Variants in ELP4 observed in about 807,000 individuals in gnomAD.
ELP4 encodes the protein elongator complex protein 4.
In ELP4, 51 loss-of-function variants were observed where a neutral mutation model predicts 48.9. That is an observed-to-expected ratio of 1.04 (90% CI 0.83 to 1.32). ELP4 has a LOEUF of 1.32. Among genes scored for constraint, ELP4 ranks in the 40% most tolerant of loss-of-function variants. ELP4 has a pLI of 0.00. For synonymous variants in ELP4, 210 were observed against 189.2 expected, an observed-to-expected ratio of 1.11 and a Z score of -0.90; for missense variants, 519 against 514.6, an observed-to-expected ratio of 1.01 and a Z score of -0.08.
At chr11:31,564,789 T>C (rs562945463) in intron 3 of ELP4, among the ~76,000 whole-genome samples, 2 of 152,328 alleles carry the variant, frequency 1.3e-5, no homozygotes, top group East Asian at 1.9e-4. Context: ...TGGTGGACAT[T>C]TGGGTTGGTT....
chr11:31,604,484 G>T (rs1479382294), intron 5 of ELP4, among the ~76,000 whole-genome samples: 3 of 151,766 alleles, frequency 2.0e-5, no homozygotes, highest in African/African-American at 7.2e-5. Flanking sequence ...TGTTTATACT[G>T]CCAGTACATT....
intron 9 of ELP4, chr11:31,779,570 C>G (rs1948325318): frequency 6.6e-6 from 1 of 152,318 alleles, no homozygotes; most frequent in Non-Finnish European, 1.5e-5. Flanking sequence ...CTCGGTACCT[C>G]TTGGAGCCTC....
chr11:31,611,320 A>G (rs530232097), intron 5 of ELP4, among the ~76,000 whole-genome samples: 1 of 152,318 alleles, frequency 6.6e-6, no homozygotes, highest in Admixed American at 6.5e-5. Context: ...TCTTTAGTTA[A>G]TTTAAGTAGC....
chr11:31,693,245 G>C (rs1052968879), intron 9 of ELP4, among the ~76,000 whole-genome samples: 18 of 151,962 alleles, frequency 1.2e-4, no homozygotes, highest in African/African-American at 4.1e-4. Flanking sequence ...TGCCATGTTG[G>C]TGTGCTGTAC....
At position 31,548,432 on chromosome 11, in the gene ELP4, T is replaced by C. The variant is rs1298286406; in HGVS notation, c.381+8649T>C. On this transcript the variant is annotated intron_variant, in intron 3 of 9. Coordinates refer to ENST00000640961, the MANE Select transcript of ELP4 (RefSeq NM_019040.5). ...ACCTAGGAATCCAACTTACAAGGGATGTGAAGGACCTCTTCAAGGAGAACT... is the reference window on the plus strand; with the variant it reads ...ACCTAGGAATCCAACTTACAAGGGACGTGAAGGACCTCTTCAAGGAGAACT... Among the ~76,000 whole-genome samples, 4 of 151,610 alleles carry C rather than the reference T, an allele frequency of 2.6e-5. No individual in the cohort carries two copies. The East Asian group carries it at 5.9e-4, about 23-fold the overall frequency.
intron 3 of ELP4, among the ~76,000 whole-genome samples, chr11:31,586,381 G>A (rs888713726): frequency 6.6e-6 from 1 of 152,080 alleles, no homozygotes; most frequent in Non-Finnish European, 1.5e-5. Flanking sequence ...CAGGTGTTGG[G>A]GAAGGAATAA....
chr11:31,695,919 T>C (rs1216330315), intron 9 of ELP4, among the ~76,000 whole-genome samples: 13 of 152,074 alleles, frequency 8.5e-5, no homozygotes, highest in Non-Finnish European at 1.8e-4. Flanking sequence ...TTGAGGAATT[T>C]ATCCATTTCT....
chr11:31,659,871 A>G (rs183905613), intron 9 of ELP4, among the ~76,000 whole-genome samples: 9 of 152,130 alleles, frequency 5.9e-5, no homozygotes, highest in Admixed American at 2.0e-4. Context: ...AGGCACCTGT[A>G]ATCCAAGCTA....
intron 9 of ELP4, among the ~76,000 whole-genome samples, chr11:31,729,345 A>G (rs1195905150): frequency 2.0e-5 from 3 of 152,212 alleles, no homozygotes; most frequent in Non-Finnish European, 4.4e-5. Context: ...CAATAAAAAT[A>G]TGTATTGGCC....
intron 9 of ELP4, among the ~76,000 whole-genome samples, chr11:31,730,965 C>T (rs1947172792): frequency 6.6e-6 from 1 of 151,124 alleles, no homozygotes; most frequent in Non-Finnish European, 1.5e-5. Context: ...AGATTACAAG[C>T]TCCTGAAAAA....
chr11:31,613,425 A>G (rs1958018577), intron 5 of ELP4, among the ~76,000 whole-genome samples: 8 of 152,196 alleles, frequency 5.3e-5, no homozygotes, highest in Admixed American at 5.2e-4. Context: ...AAAGGCTGTG[A>G]GGGAAATGCC....
chr11:31,682,145 C>T, intron 9 of ELP4: 3 of 1,146,780 alleles, frequency 2.6e-6, no homozygotes, highest in Non-Finnish European at 1.1e-6. Context: ...GCAACAGTTT[C>T]AGCCAAGCTA....
chr11:31,548,339 T>C (rs1257756412), intron 3 of ELP4, among the ~76,000 whole-genome samples: 5 of 151,552 alleles, frequency 3.3e-5, no homozygotes, highest in African/African-American at 1.2e-4. Flanking sequence ...TATACACCAA[T>C]AACAGACAAA....
At chr11:31,757,774 C>T (rs1947861945) in intron 9 of ELP4, among the ~76,000 whole-genome samples, 1 of 152,092 alleles carries the variant, frequency 6.6e-6, no homozygotes, top group Non-Finnish European at 1.5e-5. Context: ...TAACAGTTTG[C>T]TCAAATTTTG....
At position 31,789,893 on chromosome 11, in the gene ELP4, T is replaced by C; in HGVS notation, c.*6369T>C. 1 of 1,537,592 alleles carries C rather than the reference T, an allele frequency of 6.5e-7. No individual in the cohort carries two copies. The highest frequency in any genetic ancestry group is 8.9e-7 in the Non-Finnish European group (1 of 1,123,232). On this transcript the variant is annotated 3_prime_UTR_variant, in exon 10 of 10. Coordinates refer to ENST00000640961, the MANE Select transcript of ELP4 (RefSeq NM_019040.5). Reference sequence around the variant, plus strand: ...GTGTCCCCATAGTCACTGACTGAATTAACACAATATTTCCTTTCCTTTTTT... The same window carrying C: ...GTGTCCCCATAGTCACTGACTGAATCAACACAATATTTCCTTTCCTTTTTT...
At chr11:31,619,892 T>C (rs1053705186) in intron 5 of ELP4, among the ~76,000 whole-genome samples, 1 of 152,006 alleles carries the variant, frequency 6.6e-6, no homozygotes, top group Admixed American at 6.6e-5. Context: ...AATTCTCACC[T>C]TTTAATACTG....
At position 31,651,932 on chromosome 11, in the gene ELP4, A is replaced by T. The variant is rs1488171402; in HGVS notation, c.1143+1711A>T. 5 of 151,678 alleles carry T rather than the reference A, an allele frequency of 3.3e-5. No homozygotes were observed. In the East Asian group the frequency reaches 9.7e-4, roughly 29 times the overall value. 9.4% of individuals were successfully genotyped at this position (151,678 alleles called of 1,614,324 possible). Reference sequence around the variant, plus strand: ...GTTGAGGGAAAGAGAGAAATAAAGAACTTACGTGATGTCAAGCGGGACCTC... The same window carrying T: ...GTTGAGGGAAAGAGAGAAATAAAGATCTTACGTGATGTCAAGCGGGACCTC... On this transcript the variant is annotated intron_variant, in intron 9 of 9. Coordinates refer to ENST00000640961, the MANE Select transcript of ELP4 (RefSeq NM_019040.5).
intron 4 of ELP4, among the ~76,000 whole-genome samples, chr11:31,597,662 C>T (rs1347711765): frequency 6.6e-6 from 1 of 152,118 alleles, no homozygotes; most frequent in East Asian, 1.9e-4. Flanking sequence ...ACCTCCGCCT[C>T]CCAGGTTCAA....
intron 9 of ELP4, among the ~76,000 whole-genome samples, chr11:31,739,347 G>A (rs1164874706): frequency 6.6e-6 from 1 of 152,126 alleles, no homozygotes; most frequent in Non-Finnish European, 1.5e-5. Flanking sequence ...GATGTCAGAG[G>A]AATTGTTTTC....
Sources: allele counts gnomAD v4.1 joint callset (sites outside exome capture counted in the v4.1 genomes callset), GRCh38; gene constraint gnomAD v4.1.1; transcripts MANE v1.5; gene names NCBI Gene and HGNC (gene_info 2026-07-23, HGNC 2026-07-21).